Variants in ERC1 observed in about 807,000 individuals in gnomAD.
ERC1 encodes the protein RAB6 interacting protein 2.
ERC1 carries 56 observed loss-of-function variants against 132.0 expected under a neutral mutation model. The ratio of observed to expected loss-of-function variants is 0.42; its 90% CI spans 0.34 to 0.53. The LOEUF (loss-of-function observed/expected upper bound fraction) is 0.53, where lower values mean the gene tolerates loss of function less well. Among genes scored for constraint, ERC1 ranks in the 20% least tolerant of loss-of-function variants. ERC1 has a pLI of 0.03. For missense variants in ERC1, 1,202 were observed against 1,349.9 expected, an observed-to-expected ratio of 0.89 and a Z score of 1.72; for synonymous variants, 478 against 476.1, an observed-to-expected ratio of 1.00 and a Z score of -0.05.
intron 16 of ERC1, among the ~76,000 whole-genome samples, chr12:1,402,944 T>G (rs1228015659): frequency 6.6e-6 from 1 of 152,204 alleles, no homozygotes; most frequent in Admixed American, 6.5e-5. Context: ...AAAACACAAA[T>G]CTAATTAGAA....
intron 8 of ERC1, among the ~76,000 whole-genome samples, chr12:1,160,514 C>T (rs1410321065): frequency 6.6e-6 from 1 of 151,964 alleles, no homozygotes; most frequent in African/African-American, 2.4e-5. Flanking sequence ...GAGGGTGGAT[C>T]ACCTGAGGTC....
intron 2 of ERC1, among the ~76,000 whole-genome samples, chr12:1,031,219 A>G (rs986602002): frequency 2.6e-5 from 4 of 152,216 alleles, no homozygotes; most frequent in African/African-American, 9.6e-5. Flanking sequence ...TATGAAAGCA[A>G]AATATATTCC....
intron 18 of ERC1, among the ~76,000 whole-genome samples, chr12:1,450,969 T>C (rs2093413710): frequency 6.6e-6 from 1 of 152,250 alleles, no homozygotes; most frequent in South Asian, 2.1e-4. Flanking sequence ...GAGAAATATC[T>C]ATTCAAGTTC....
At chr12:1,476,202 G>A (rs891798924) in intron 18 of ERC1, among the ~76,000 whole-genome samples, 1 of 151,464 alleles carries the variant, frequency 6.6e-6, no homozygotes, top group African/African-American at 2.4e-5. Flanking sequence ...ATTGCAATGA[G>A]CTGAGATCAC....
intron 18 of ERC1, among the ~76,000 whole-genome samples, chr12:1,487,809 C>T (rs1217437227): frequency 1.4e-5 from 2 of 145,644 alleles, no homozygotes; most frequent in African/African-American, 5.2e-5. Context: ...AGAAAAGAAA[C>T]GAGAGAGAGA....
At chr12:1,276,247 T>C (rs1300748794) in intron 14 of ERC1, among the ~76,000 whole-genome samples, 1 of 151,342 alleles carries the variant, frequency 6.6e-6, no homozygotes, top group Non-Finnish European at 1.5e-5. Context: ...TTTTCTTTTT[T>C]TTTTTTTGAG....
At chr12:1,277,577 G>A (rs1428657166) in intron 14 of ERC1, among the ~76,000 whole-genome samples, 1 of 152,106 alleles carries the variant, frequency 6.6e-6, no homozygotes, top group African/African-American at 2.4e-5. Context: ...ACTGATTTCT[G>A]TGAGACATTC....
chr12:1,264,596 G>A lies in ERC1; in HGVS notation c.2619+1431G>A, dbSNP rs558409539. Among the ~76,000 whole-genome samples the A allele has an allele frequency of 2.2e-3, 334 of 152,094 alleles. 2 individuals are homozygous for A. The highest frequency in any genetic ancestry group is 3.4e-3 in the Middle Eastern group (1 of 294). On this transcript the variant is annotated intron_variant, in intron 14 of 18. Coordinates refer to ENST00000360905, the MANE Select transcript of ERC1 (RefSeq NM_178040.4). The stretch of plus-strand genomic sequence containing the variant: ...GGAGAATGGCGTGAACCTGGGAGGC[G>A]GAGCTTGCAGTGAGCCGAGATCGCA...
At chr12:1,001,875 T>G (rs914631617) in intron 1 of ERC1, among the ~76,000 whole-genome samples, 18 of 143,922 alleles carry the variant, frequency 1.3e-4, no homozygotes, top group South Asian at 1.1e-3. Flanking sequence ...TTTTTTTTTT[T>G]CCTGAGACGG....
intron 17 of ERC1, among the ~76,000 whole-genome samples, chr12:1,437,049 C>G (rs867578505): frequency 2.0e-5 from 3 of 152,230 alleles, no homozygotes; most frequent in South Asian, 4.1e-4. Context: ...TGTGGGGAGC[C>G]AAGCCTCAAG....
chr12:1,286,964 T>G (rs2079079887), intron 14 of ERC1, among the ~76,000 whole-genome samples: 1 of 152,126 alleles, frequency 6.6e-6, no homozygotes, highest in African/African-American at 2.4e-5. Context: ...TTTGCAGAAG[T>G]TCAAGAATAG....
intron 2 of ERC1, among the ~76,000 whole-genome samples, chr12:1,040,859 C>T (rs966596645): frequency 3.9e-5 from 6 of 152,086 alleles, no homozygotes; most frequent in African/African-American, 7.2e-5. Context: ...CATCTCTTAC[C>T]GGTGGCTGGT....
intron 8 of ERC1, among the ~76,000 whole-genome samples, chr12:1,142,982 T>C (rs1429145078): frequency 6.6e-6 from 1 of 152,210 alleles, no homozygotes; most frequent in Non-Finnish European, 1.5e-5. Context: ...CAGTGCAACC[T>C]CTGCCTCCTG....
chr12:1,039,349 A>T (rs192329342), intron 2 of ERC1, among the ~76,000 whole-genome samples: 1,584 of 148,366 alleles, frequency 0.011, 9 homozygotes, highest in Non-Finnish European at 0.018. Flanking sequence ...AAAAAAAAAA[A>T]AAATAAAAAT....
At chr12:1,385,361 C>T (rs962329323) in intron 16 of ERC1, among the ~76,000 whole-genome samples, 8 of 152,144 alleles carry the variant, frequency 5.3e-5, no homozygotes, top group Non-Finnish European at 1.0e-4. Context: ...CGGCTCACTG[C>T]AAGCTCCGCC....
intron 18 of ERC1, among the ~76,000 whole-genome samples, chr12:1,445,759 G>A (rs560677431): frequency 6.6e-6 from 1 of 152,336 alleles, no homozygotes; most frequent in East Asian, 1.9e-4. Flanking sequence ...TAAGGGAGAA[G>A]GCTAAGGACG....
At chr12:1,427,199 A>G (rs772533248) in intron 17 of ERC1, among the ~76,000 whole-genome samples, 5 of 152,188 alleles carry the variant, frequency 3.3e-5, no homozygotes, top group South Asian at 2.1e-4. Context: ...CATATCTCCT[A>G]GATTTATAAT....
intron 8 of ERC1, among the ~76,000 whole-genome samples, chr12:1,154,015 G>T (rs796654557): frequency 6.6e-6 from 1 of 152,008 alleles, no homozygotes; most frequent in Non-Finnish European, 1.5e-5. Flanking sequence ...TGAGTCTCTA[G>T]TGTCCGTTAT....
intron 7 of ERC1, among the ~76,000 whole-genome samples, chr12:1,140,067 C>T (rs2968895): frequency 0.074 from 11,196 of 152,102 alleles, 1,330 homozygotes; most frequent in African/African-American, 0.25. Flanking sequence ...TGATTATTCC[C>T]TACTTTCTGG....
Sources: allele counts gnomAD v4.1 joint callset (sites outside exome capture counted in the v4.1 genomes callset), GRCh38; gene constraint gnomAD v4.1.1; transcripts MANE v1.5; gene names NCBI Gene and HGNC (gene_info 2026-07-23, HGNC 2026-07-21).